ZNF569: variants seen among roughly 807,000 people sequenced by gnomAD.
ZNF569 encodes the protein DNA-binding protein.
In ZNF569, 38 loss-of-function variants were observed where a neutral mutation model predicts 56.3. That is an observed-to-expected ratio of 0.68 (90% confidence interval 0.52 to 0.88). ZNF569 has a LOEUF of 0.88. ZNF569 is among the 40% of genes least tolerant of loss of function. The probability of loss-of-function intolerance (pLI) is 0.00; values close to 1 mark genes in which losing one functional copy is unlikely to be tolerated. For synonymous variants in ZNF569, 241 were observed against 262.9 expected, an observed-to-expected ratio of 0.92 and a Z score of 0.81; for missense variants, 666 against 809.2, an observed-to-expected ratio of 0.82 and a Z score of 2.15.
intron 3 of ZNF569, among the ~76,000 whole-genome samples, chr19:37,437,610 C>T (rs1600319409): frequency 6.6e-6 from 1 of 152,248 alleles, no homozygotes; most frequent in East Asian, 1.9e-4. Flanking sequence ...AGTACCAGAA[C>T]TGATAAACAA....
Position 37,426,275 on chromosome 19 carries a change from T to G in ZNF569, c.119A>C (p.Asn40Thr), listed in dbSNP as rs1328182820. 6.2e-7 allele frequency: 1 copy of G among 1,612,846 alleles called. No homozygotes were observed. Among genetic ancestry groups the G allele is most frequent in the Non-Finnish European group, 8.5e-7 (1 of 1,179,544 alleles). ...RKLYRNVMLE[N>T]YNNLITVGYP... ...ACCTACTGTGATTAAGTTGTTATAG[T>G]TTTCTAGCATCACATTCCGGTACAG... Residue 40 changes from asparagine (N) to threonine (T), a missense_variant, in exon 4 of 6, where the codon AAC becomes ACC. Asn to Thr is a moderately conservative substitution (Grantham distance 65). Transcript: ENST00000316950.
At chr19:37,448,046 T>G (rs2041527725) in intron 2 of ZNF569, among the ~76,000 whole-genome samples, 2 of 152,178 alleles carry the variant, frequency 1.3e-5, no homozygotes, top group African/African-American at 4.8e-5. Flanking sequence ...GTCTGTAGTT[T>G]TCTTGTAATA....
At position 37,427,539 on chromosome 19, in the gene ZNF569, A is replaced by G. The variant is rs187610461; in HGVS notation, c.16-1161T>C. On this transcript the variant is annotated intron_variant, in intron 3 of 5. Transcript: ENST00000316950. ...AATTTCTACCAGAAACTAGGTGAGA[A>G]AAAAGAAAGTCTCCAATAGCTCGTT... 1.3e-3 allele frequency among the ~76,000 whole-genome samples: 191 copies of G among 152,310 alleles called. 3 individuals carry two copies. Among genetic ancestry groups the G allele is most frequent in the African/African-American group, 4.5e-3 (186 of 41,582 alleles).
intron 3 of ZNF569, among the ~76,000 whole-genome samples, chr19:37,442,422 G>A (rs753022857): frequency 6.6e-6 from 1 of 152,168 alleles, no homozygotes; most frequent in African/African-American, 2.4e-5. Context: ...GTGAAACACA[G>A]TGAATGAGGG....
chr19:37,455,962 T>G (rs1015489153), intron 2 of ZNF569, among the ~76,000 whole-genome samples: 3 of 152,188 alleles, frequency 2.0e-5, no homozygotes, highest in Non-Finnish European at 4.4e-5. Context: ...TCTCAAAAGC[T>G]TCTTTACTTT....
Position 37,413,044 on chromosome 19 carries a change from G to A in ZNF569, c.1614C>T (p.Thr538=), listed in dbSNP as rs149286981. 12 of 1,613,044 alleles carry A rather than the reference G, an allele frequency of 7.4e-6. No homozygotes were observed. The highest frequency in any genetic ancestry group is 1.0e-5 in the Non-Finnish European group (12 of 1,179,666). The change falls in exon 6 of 6, where the codon ACC becomes ACT. Residue 538 remains threonine (T), a synonymous_variant. Transcript: ENST00000316950. ...GKAFSQIASL[T]LHLRSHTGEK... ...CCCCTGTATGACTTCTCAAATGAAG[G>A]GTAAGGGATGCAATTTGAGAGAAGG...
upstream of ZNF569, chr19:37,468,179 C>A: frequency 1.9e-6 from 1 of 538,650 alleles, no homozygotes. Flanking sequence ...CTCGAACTCC[C>A]GGGCTCAAGC....
Position 37,413,236 on chromosome 19 carries a change from G to T in ZNF569, c.1422C>A (p.Ala474=), listed in dbSNP as rs367822764. The change falls in exon 6 of 6, where the codon GCC becomes GCA. Residue 474 remains alanine (A), a synonymous_variant. Coordinates refer to ENST00000316950, the MANE Select transcript of ZNF569 (RefSeq NM_152484.3). ...KPYICKECGK[A]FSQKSNLIAH... The stretch of plus-strand genomic sequence containing the variant: ...CAATGAGATTTGATTTCTGGCTAAA[G>T]GCTTTCCCACATTCCTTACATATAT... 1.2e-6 allele frequency: 2 copies of T among 1,611,372 alleles called. No homozygotes were observed. The highest frequency in any genetic ancestry group is 8.5e-7 in the Non-Finnish European group (1 of 1,179,162).
intron 2 of ZNF569, among the ~76,000 whole-genome samples, chr19:37,457,085 T>C (rs1279643097): frequency 6.6e-6 from 1 of 152,130 alleles, no homozygotes; most frequent in Non-Finnish European, 1.5e-5. Context: ...CACATTTTTC[T>C]ACCTCTCTTT....
intron 3 of ZNF569, among the ~76,000 whole-genome samples, chr19:37,438,088 A>G (rs2041342735): frequency 6.6e-6 from 1 of 152,174 alleles, no homozygotes; most frequent in East Asian, 1.9e-4. Flanking sequence ...TAACCAAAAT[A>G]GCATGGTACT....
intron 2 of ZNF569, among the ~76,000 whole-genome samples, chr19:37,448,209 G>GTTTC (rs1481060189): frequency 6.6e-6 from 1 of 152,154 alleles, no homozygotes; most frequent in Non-Finnish European, 1.5e-5. Flanking sequence ...TGGGTGTGGA[G>GTTTC]TTTCCATTTT....
At chr19:37,418,797 C>CT (rs562269407) in intron 5 of ZNF569, among the ~76,000 whole-genome samples, 139 of 152,258 alleles carry the variant, frequency 9.1e-4, no homozygotes, top group Admixed American at 2.0e-3. Context: ...ACCAGATAGA[C>CT]TCTAGAGTCA....
Position 37,444,980 on chromosome 19 carries a change from A to G in ZNF569, c.-43-16T>C. 6.3e-7 allele frequency: 1 copy of G among 1,590,752 alleles called. No homozygotes were observed. ...AGAAGTAGAGCTGGGGAAGAGAATA[A>G]AAGTCATTAAAATAGGCCTGTCTTT... is the stretch of plus-strand genomic sequence containing the variant. On this transcript the variant is annotated splice_polypyrimidine_tract_variant and intron_variant, in intron 2 of 5. Coordinates refer to ENST00000316950, the MANE Select transcript of ZNF569 (RefSeq NM_152484.3).
rs2041608127 is a variant in ZNF569 at position 37,452,341 on chromosome 19, C to A, written c.-43-7377G>T. Among the ~76,000 whole-genome samples, 4 of 152,276 alleles carry A rather than the reference C, an allele frequency of 2.6e-5. No individual in the cohort carries two copies. The South Asian group carries it at 8.3e-4, about 32-fold the overall frequency. Reference sequence around the variant, plus strand: ...GAATTAAAAGTTATTTACCCACCACCATTATGGTAATGCAGTATTCTGTAT... The same window carrying A: ...GAATTAAAAGTTATTTACCCACCACAATTATGGTAATGCAGTATTCTGTAT... On this transcript the variant is annotated intron_variant, in intron 2 of 5. Transcript: ENST00000316950.
chr19:37,419,735 T>A (rs555379322), intron 5 of ZNF569, among the ~76,000 whole-genome samples: 2 of 151,588 alleles, frequency 1.3e-5, no homozygotes, highest in East Asian at 1.9e-4. Flanking sequence ...AAAAAAAAAA[T>A]TTAATACTAT....
At chr19:37,462,354 A>G (rs751309229) in intron 2 of ZNF569, among the ~76,000 whole-genome samples, 3 of 151,784 alleles carry the variant, frequency 2.0e-5, no homozygotes, top group African/African-American at 4.8e-5. Context: ...CATTTCAATC[A>G]GTATATAAAC....
chr19:37,436,814 T>C lies in ZNF569; in HGVS notation c.15+8093A>G, dbSNP rs368680186. 2.0e-5 allele frequency among the ~76,000 whole-genome samples: 3 copies of C among 152,132 alleles called. No homozygotes were observed. In the South Asian group the frequency reaches 6.2e-4, roughly 32 times the overall value. On this transcript the variant is annotated intron_variant, in intron 3 of 5. Coordinates refer to ENST00000316950, the MANE Select transcript of ZNF569 (RefSeq NM_152484.3). ...AACAGACTAATAGCAGGTAATGAGATTGAAGCTGTAATAAAAAGTCTCCGA... is the reference window on the plus strand; with the variant it reads ...AACAGACTAATAGCAGGTAATGAGACTGAAGCTGTAATAAAAAGTCTCCGA...
intron 3 of ZNF569, among the ~76,000 whole-genome samples, chr19:37,444,566 C>T (rs1250585265): frequency 6.6e-6 from 1 of 152,114 alleles, no homozygotes; most frequent in Non-Finnish European, 1.5e-5. Flanking sequence ...AGTAACACTA[C>T]AATGTTTTCA....
Position 37,412,855 on chromosome 19 carries a change from T to G in ZNF569, c.1803A>C (p.Thr601=). The change falls in exon 6 of 6, where the codon ACA becomes ACC. Residue 601 remains threonine, a synonymous_variant. Coordinates refer to ENST00000316950, the MANE Select transcript of ZNF569 (RefSeq NM_152484.3). Reference sequence around the variant, plus strand: ...TATTACATTCATAGGGTTTTTCACCTGTATGGCCTCTCATGTGCACAATAA... The same window carrying G: ...TATTACATTCATAGGGTTTTTCACCGGTATGGCCTCTCATGTGCACAATAA... The part of the protein sequence containing the change: ...TSLIVHMRGH[T]GEKPYECNKC... 6.2e-7 allele frequency: 1 copy of G among 1,613,972 alleles called. No homozygotes were observed. The highest frequency in any genetic ancestry group is 8.5e-7 in the Non-Finnish European group (1 of 1,179,936).
Sources: gnomAD v4.1 joint callset for allele counts (sites outside exome capture counted in the v4.1 genomes callset) on GRCh38, gnomAD v4.1.1 for gene constraint, MANE v1.5 for transcripts, NCBI Gene and HGNC (gene_info 2026-07-23, HGNC 2026-07-21) for gene names.